The following CDS1 variants were observed in gnomAD, a reference collection of about 807,000 sequenced individuals.
CDS1 encodes phosphatidate cytidylyltransferase 1.
Under a neutral mutation model 62.1 loss-of-function variants are expected in CDS1, and 41 were observed. The ratio of observed to expected loss-of-function variants is 0.66; its 90% confidence interval spans 0.51 to 0.86. The LOEUF (loss-of-function observed/expected upper bound fraction) is 0.86. Among genes scored for constraint, CDS1 ranks in the 40% least tolerant of loss-of-function variants. The probability of loss-of-function intolerance (pLI) is 0.00; values close to 1 mark genes in which losing one functional copy is unlikely to be tolerated. For missense variants in CDS1, 470 were observed against 550.1 expected (o/e 0.85, Z 1.46); for synonymous variants, 185 against 192.6 (o/e 0.96, Z 0.32).
intron 10 of CDS1, among the ~76,000 whole-genome samples, chr4:84,642,791 C>T (rs28756833): frequency 0.1 from 15,732 of 152,148 alleles, 2,588 homozygotes; most frequent in African/African-American, 0.35. Flanking sequence ...TTCAGTGTGC[C>T]AGTTGCCTGT....
In CDS1 at chr4:84,622,670, A is replaced by G. The variant is rs549433475; in HGVS notation, c.580+3137A>G. Among the ~76,000 whole-genome samples, 4 of 152,306 alleles carry G rather than the reference A, an allele frequency of 2.6e-5. No individual in the cohort carries two copies. The East Asian group carries it at 7.7e-4, about 29-fold the overall frequency. Reference sequence around the variant, plus strand: ...TCATTTCTATCATTAATATCTGCACATTAGTTTTCAAACTGAATTTCAAAA... The same window carrying G: ...TCATTTCTATCATTAATATCTGCACGTTAGTTTTCAAACTGAATTTCAAAA... On this transcript the variant is annotated intron_variant, in intron 5 of 12. Coordinates refer to ENST00000295887, the MANE Select transcript of CDS1 (RefSeq NM_001263.4).
At chr4:84,613,802 T>C (rs1723405131) in intron 3 of CDS1, among the ~76,000 whole-genome samples, 1 of 152,150 alleles carries the variant, frequency 6.6e-6, no homozygotes, top group Non-Finnish European at 1.5e-5. Flanking sequence ...ATAGAAGATA[T>C]TGAAAGAGGT....
intron 10 of CDS1, among the ~76,000 whole-genome samples, chr4:84,641,336 G>A (rs967027180): frequency 2.0e-5 from 3 of 152,200 alleles, no homozygotes; most frequent in Admixed American, 6.5e-5. Context: ...AAGGTGCTGG[G>A]ATTACAAGCA....
intron 3 of CDS1, among the ~76,000 whole-genome samples, chr4:84,615,711 T>C (rs1723470374): frequency 2.6e-5 from 4 of 152,304 alleles, no homozygotes; most frequent in East Asian, 1.9e-4. Flanking sequence ...GTTATTTCTA[T>C]AAGTCCTCAG....
intron 3 of CDS1, among the ~76,000 whole-genome samples, chr4:84,611,926 T>G (rs998450426): frequency 2.0e-5 from 3 of 151,906 alleles, no homozygotes; most frequent in Admixed American, 6.6e-5. Context: ...ACTTGGGCAT[T>G]TAAGAAGCAA....
At chr4:84,637,518 A>G (rs1365728316) in intron 8 of CDS1, among the ~76,000 whole-genome samples, 1 of 152,106 alleles carries the variant, frequency 6.6e-6, no homozygotes, top group Non-Finnish European at 1.5e-5. Flanking sequence ...TGGGACAGCA[A>G]TAGGGGGATG....
chr4:84,618,085 TAACA>T (rs977735003), intron 4 of CDS1, among the ~76,000 whole-genome samples: 1 of 152,164 alleles, frequency 6.6e-6, no homozygotes, highest in African/African-American at 2.4e-5. Flanking sequence ...ATAAAGTTAG[TAACA>T]AAATCACCAT....
intron 1 of CDS1, 53 bp from the exon 2 acceptor site, chr4:84,604,190 C>G (rs1002134698): frequency 6.6e-7 from 1 of 1,521,974 alleles, no homozygotes; most frequent in Non-Finnish European, 9.0e-7. Context: ...TATTGGCCAG[C>G]CTGTGCTTTT....
intron 12 of CDS1, among the ~76,000 whole-genome samples, chr4:84,646,803 AT>A (rs1724570935): frequency 1.3e-5 from 2 of 151,954 alleles, no homozygotes; most frequent in Admixed American, 1.3e-4. Context: ...TTCTGTACTG[AT>A]TTTTGTTTAT....
At chr4:84,595,043 CCAAAATCA>C (rs1165115430) in intron 1 of CDS1, among the ~76,000 whole-genome samples, 1 of 152,070 alleles carries the variant, frequency 6.6e-6, no homozygotes, top group African/African-American at 2.4e-5. Context: ...CAAGAGGTGG[CCAAAATCA>C]GTCTGGTGAT....
chr4:84,607,214 G>T (rs183650093), intron 2 of CDS1, among the ~76,000 whole-genome samples: 10 of 152,126 alleles, frequency 6.6e-5, no homozygotes, highest in African/African-American at 2.2e-4. Flanking sequence ...ATGATAAAAG[G>T]AATATTTGAA....
At chr4:84,640,055 TAGG>T (rs1027198620) in intron 9 of CDS1, among the ~76,000 whole-genome samples, 51 of 149,958 alleles carry the variant, frequency 3.4e-4, no homozygotes, top group African/African-American at 1.2e-3. Flanking sequence ...GGAAGAAAAG[TAGG>T]AGCTACCCCA....
intron 7 of CDS1, among the ~76,000 whole-genome samples, chr4:84,634,214 TA>T (rs1193315172): frequency 4.6e-5 from 7 of 152,178 alleles, no homozygotes; most frequent in Non-Finnish European, 1.0e-4. Flanking sequence ...TAATAAATCC[TA>T]GTGTAACTTT....
At chr4:84,592,522 A>AGTATTTACTTATTTTCTTATCC (rs1644581779) in intron 1 of CDS1, among the ~76,000 whole-genome samples, 1 of 152,074 alleles carries the variant, frequency 6.6e-6, no homozygotes, top group Non-Finnish European at 1.5e-5. Flanking sequence ...TTATTATGTA[A>AGTATTTACTTATTTTCTTATCC]GTATTTACTT....
At chr4:84,613,255 C>T (rs900649029) in intron 3 of CDS1, among the ~76,000 whole-genome samples, 1 of 152,066 alleles carries the variant, frequency 6.6e-6, no homozygotes, top group African/African-American at 2.4e-5. Context: ...TTGTATCTAG[C>T]TTGCAGTTGC....
chr4:84,631,969 T>C lies in CDS1; in HGVS notation c.639+92T>C, dbSNP rs996948853. ...AGTGAGAAGATACAGTCGAATCTGCTAGCTGTTGTTTTGCATGAATGTGAG... is the reference window on the plus strand; with the variant it reads ...AGTGAGAAGATACAGTCGAATCTGCCAGCTGTTGTTTTGCATGAATGTGAG... On this transcript the variant is annotated intron_variant, in intron 6 of 12. Transcript: ENST00000295887. 1.9e-5 allele frequency: 15 copies of C among 798,456 alleles called. No homozygotes were observed. In the African/African-American group the frequency reaches 2.6e-4, roughly 14 times the overall value. The allele number at this position is 798,456 out of a possible 1,614,324, so 49.5% of individuals were successfully genotyped here.
At chr4:84,621,658 C>G (rs1252040218) in intron 5 of CDS1, among the ~76,000 whole-genome samples, 1 of 152,178 alleles carries the variant, frequency 6.6e-6, no homozygotes, top group Non-Finnish European at 1.5e-5. Context: ...AACTCCTGGG[C>G]TCAAGGGATC....
chr4:84,631,738 A>G (rs1439433084), intron 5 of CDS1, 81 bp from the exon 6 acceptor site: 3 of 1,100,312 alleles, frequency 2.7e-6, no homozygotes, highest in East Asian at 2.4e-5. Flanking sequence ...TGATACAGCA[A>G]ATTGGTTTAT....
intron 2 of CDS1, among the ~76,000 whole-genome samples, chr4:84,606,481 A>G (rs1459870024): frequency 6.6e-6 from 1 of 152,178 alleles, no homozygotes; most frequent in Non-Finnish European, 1.5e-5. Context: ...TAATGTCTGT[A>G]TATTTTGCTG....
Sources: gnomAD v4.1 joint callset for allele counts (sites outside exome capture counted in the v4.1 genomes callset) on GRCh38, gnomAD v4.1.1 for gene constraint, MANE v1.5 for transcripts, NCBI Gene and HGNC (gene_info 2026-07-23, HGNC 2026-07-21) for gene names.